Variants in ENDOD1 observed in about 807,000 individuals in gnomAD.
ENDOD1 encodes endonuclease domain-containing 1 protein.
Under a neutral mutation model 6.5 loss-of-function variants are expected in ENDOD1, and 9 were observed. The observed-to-expected ratio is 1.39, with a 90% confidence interval of 0.84 to 2.43. The LOEUF (loss-of-function observed/expected upper bound fraction) is 2.43, where lower values mean the gene tolerates loss of function less well. Ranked by LOEUF, ENDOD1 falls within the 30% of genes most tolerant of loss-of-function variation. The pLI, the probability that ENDOD1 is intolerant of heterozygous loss-of-function variation, is 0.00. For missense variants in ENDOD1, 648 were observed against 635.5 expected (o/e 1.02, Z -0.21); for synonymous variants, 255 against 255.2 (o/e 1.00, Z 0.01).
chr11:95,108,234 T>TG, intron 1 of ENDOD1, among the ~76,000 whole-genome samples: 1 of 152,328 alleles, frequency 6.6e-6, no homozygotes, highest in South Asian at 2.1e-4. Flanking sequence ...CGTTTTATCT[T>TG]CCGTTCCACC....
intron 1 of ENDOD1, among the ~76,000 whole-genome samples, chr11:95,093,130 TAA>T (rs1277934295): frequency 2.6e-5 from 4 of 152,240 alleles, no homozygotes; most frequent in African/African-American, 7.2e-5. Flanking sequence ...TGAAAATCTG[TAA>T]AGTGTTGCCT....
At chr11:95,108,117 A>G (rs1337915832) in intron 1 of ENDOD1, among the ~76,000 whole-genome samples, 2 of 152,192 alleles carry the variant, frequency 1.3e-5, no homozygotes, top group Admixed American at 6.5e-5. Flanking sequence ...ATTTATTGCC[A>G]GTTTGGAGTT....
chr11:95,090,402 C>G (rs541461180), intron 1 of ENDOD1, among the ~76,000 whole-genome samples, 175 bp downstream of exon 1: 5 of 258 alleles, frequency 0.019, no homozygotes, highest in Non-Finnish European at 0.027. Context: ...CCGGAGTTAG[C>G]CTGCCTCGCC....
rs1591006107 is a variant in ENDOD1 at position 95,090,110 on chromosome 11, T to G, written c.183T>G (p.Gly61=). 1 of 1,581,186 alleles carries G rather than the reference T, an allele frequency of 6.3e-7. No homozygotes were observed. ...TGAAGATCTGTCAGCGCGCGGAGGGTGCTGAGCGCTTCGCCACCCTCTACA... is the reference window on the plus strand; with the variant it reads ...TGAAGATCTGTCAGCGCGCGGAGGGGGCTGAGCGCTTCGCCACCCTCTACA... ...SHVKICQRAE[G]AERFATLYST... is the part of the protein sequence containing the mutation. Residue 61 remains glycine, a synonymous_variant, in exon 1 of 2, where the codon GGT becomes GGG. Coordinates refer to ENST00000278505, the MANE Select transcript of ENDOD1 (RefSeq NM_015036.3).
intron 1 of ENDOD1, among the ~76,000 whole-genome samples, chr11:95,124,309 G>A (rs1247659004): frequency 2.0e-5 from 3 of 152,140 alleles, no homozygotes; most frequent in African/African-American, 7.2e-5. Flanking sequence ...AAGTAAAAAT[G>A]CCTTCCACAT....
chr11:95,129,079 A>G lies in ENDOD1; in HGVS notation c.1003A>G (p.Ile335Val). 1 of 1,614,108 alleles carries G rather than the reference A, an allele frequency of 6.2e-7. No homozygotes were observed. Among genetic ancestry groups the G allele is most frequent in the Non-Finnish European group, 8.5e-7 (1 of 1,180,022 alleles). The change falls in exon 2 of 2, where the codon ATT becomes GTT. Residue 335 changes from isoleucine to valine, a missense_variant. Physicochemically the swap from Ile to Val is conservative, Grantham distance 29 (BLOSUM62 3). Coordinates refer to ENST00000278505, the MANE Select transcript of ENDOD1 (RefSeq NM_015036.3). ...SSFLGKLMGF[I>V]ATPFIKLFQL... The stretch of plus-strand genomic sequence containing the variant: ...CTTTTTGGGAAAACTCATGGGCTTC[A>G]TTGCTACCCCATTCATCAAGCTTTT...
intron 1 of ENDOD1, among the ~76,000 whole-genome samples, chr11:95,091,347 G>A (rs1858928904): frequency 6.6e-6 from 1 of 152,182 alleles, no homozygotes; most frequent in Admixed American, 6.5e-5. Context: ...GATATTTCTA[G>A]CTCTGAGGTC....
intron 1 of ENDOD1, among the ~76,000 whole-genome samples, chr11:95,124,791 G>A (rs918657077): frequency 6.6e-6 from 1 of 152,182 alleles, no homozygotes; most frequent in African/African-American, 2.4e-5. Context: ...GAACTTAAGT[G>A]ATCTAAGAGG....
chr11:95,109,713 C>T (rs1591014664), intron 1 of ENDOD1, among the ~76,000 whole-genome samples: 2 of 152,410 alleles, frequency 1.3e-5, no homozygotes, highest in Admixed American at 6.5e-5. Flanking sequence ...AGGGCCACAC[C>T]TGGCCTGCTA....
In ENDOD1 at chr11:95,128,643, G is replaced by A. The variant is rs373313504; in HGVS notation, c.567G>A (p.Gln189=). 6.8e-6 allele frequency: 11 copies of A among 1,614,062 alleles called. No homozygotes were observed. The highest frequency in any genetic ancestry group is 9.3e-6 in the Non-Finnish European group (11 of 1,180,036). Residue 189 remains glutamine, a synonymous_variant, in exon 2 of 2, where the codon CAG becomes CAA. Coordinates refer to ENST00000278505, the MANE Select transcript of ENDOD1 (RefSeq NM_015036.3). ...TAATGGACCGGGCTTTGACCCCACA[G>A]TGTGGCAGTGGGGAAGACCTATATA... is the stretch of plus-strand genomic sequence containing the variant. ...HSLMDRALTP[Q]CGSGEDLYIL...
chr11:95,101,199 C>T (rs1859037270), intron 1 of ENDOD1, among the ~76,000 whole-genome samples: 1 of 152,170 alleles, frequency 6.6e-6, no homozygotes, highest in African/African-American at 2.4e-5. Context: ...AGAACAGCCA[C>T]AGACAATACA....
At chr11:95,119,203 C>T (rs1421309062) in intron 1 of ENDOD1, among the ~76,000 whole-genome samples, 2 of 152,138 alleles carry the variant, frequency 1.3e-5, no homozygotes, top group Admixed American at 1.3e-4. Context: ...GTCATGTTTT[C>T]CTGGATGGTC....
rs1285937293 is a variant in ENDOD1, at chr11:95,109,899, G to A, written c.301-18478G>A. Among the ~76,000 whole-genome samples the A allele has an allele frequency of 2.0e-5, 3 of 152,240 alleles. No individual in the cohort carries two copies. In the East Asian group the frequency reaches 5.8e-4, roughly 29 times the overall value. On this transcript the variant is annotated intron_variant, in intron 1 of 1. Transcript: ENST00000278505. ...ATTTGGAGGTCAGGTACTTCAATCT[G>A]TTTGCAGGGACAAGGCTGCCAGGGT...
At chr11:95,102,438 G>A (rs886214973) in intron 1 of ENDOD1, among the ~76,000 whole-genome samples, 2 of 151,136 alleles carry the variant, frequency 1.3e-5, no homozygotes, top group Admixed American at 6.6e-5. Context: ...TTGGGAGGCC[G>A]AGGCAGGTGG....
chr11:95,121,726 C>T (rs1859263484), intron 1 of ENDOD1, among the ~76,000 whole-genome samples: 1 of 152,100 alleles, frequency 6.6e-6, no homozygotes, highest in African/African-American at 2.4e-5. Context: ...TTTCTTGGTA[C>T]TAAATTTCAA....
At chr11:95,118,232 G>A (rs1859229668) in intron 1 of ENDOD1, among the ~76,000 whole-genome samples, 1 of 152,086 alleles carries the variant, frequency 6.6e-6, no homozygotes, top group Non-Finnish European at 1.5e-5. Context: ...ATAATATTCT[G>A]TGCAGTTACT....
intron 1 of ENDOD1, among the ~76,000 whole-genome samples, chr11:95,123,397 G>C (rs757198022): frequency 1.3e-5 from 2 of 151,448 alleles, no homozygotes; most frequent in Non-Finnish European, 2.9e-5. Flanking sequence ...TTAATACAAA[G>C]GAATTAGTAA....
chr11:95,095,178 A>C (rs923117276), intron 1 of ENDOD1, among the ~76,000 whole-genome samples: 1 of 152,250 alleles, frequency 6.6e-6, no homozygotes. Flanking sequence ...TATGTCCCAC[A>C]TTCATACAGT....
At chr11:95,114,612 A>G (rs1555112302) in intron 1 of ENDOD1, among the ~76,000 whole-genome samples, 1 of 152,078 alleles carries the variant, frequency 6.6e-6, no homozygotes, top group African/African-American at 2.4e-5. Context: ...TGTTTTCTGT[A>G]GTTTCATAGT....
Sources: gnomAD v4.1 joint callset for allele counts (sites outside exome capture counted in the v4.1 genomes callset) on GRCh38, gnomAD v4.1.1 for gene constraint, MANE v1.5 for transcripts, NCBI Gene and HGNC (gene_info 2026-07-23, HGNC 2026-07-21) for gene names.